SLCO5A1: variants seen among roughly 807,000 people sequenced by gnomAD.
SLCO5A1 encodes the protein organic anion transporter polypeptide-related protein 4.
In SLCO5A1, 39 loss-of-function variants were observed where a neutral mutation model predicts 65.1. The observed-to-expected ratio is 0.60, with a 90% confidence interval of 0.46 to 0.78. The LOEUF (loss-of-function observed/expected upper bound fraction) is 0.78, where lower values mean the gene tolerates loss of function less well. Ranked by LOEUF, SLCO5A1 falls within the 30% of genes least tolerant of loss-of-function variation. The pLI, the probability that SLCO5A1 is intolerant of heterozygous loss-of-function variation, is 0.00. For synonymous variants in SLCO5A1, 438 were observed against 415.7 expected, an observed-to-expected ratio of 1.05 and a Z score of -0.65; for missense variants, 1,029 against 1,069.4, an observed-to-expected ratio of 0.96 and a Z score of 0.53.
chr8:69,710,373 C>G (rs1815184061), intron 5 of SLCO5A1, among the ~76,000 whole-genome samples: 1 of 152,014 alleles, frequency 6.6e-6, no homozygotes, highest in East Asian at 1.9e-4. Flanking sequence ...GTGGCCTGCT[C>G]TATAGTGCAC....
chr8:69,806,312 A>G lies in SLCO5A1; in HGVS notation c.907+25455T>C, dbSNP rs1819987757. ...CCAAATGCAATATATAGTTTCCTTG[A>G]TTTATAGCACTTGCCTTGGTTTGTA... On this transcript the variant is annotated intron_variant, in intron 2 of 9. Coordinates refer to ENST00000260126, the MANE Select transcript of SLCO5A1 (RefSeq NM_030958.3). Among the ~76,000 whole-genome samples the G allele has an allele frequency of 3.3e-5, 5 of 152,174 alleles. No individual in the cohort carries two copies. In the South Asian group the frequency reaches 1.0e-3, roughly 31 times the overall value.
At chr8:69,743,988 G>A (rs1031663526) in intron 4 of SLCO5A1, among the ~76,000 whole-genome samples, 6 of 152,090 alleles carry the variant, frequency 3.9e-5, no homozygotes, top group Non-Finnish European at 7.4e-5. Flanking sequence ...AGTGACTGTG[G>A]AGCTCAATGG....
In SLCO5A1 at chr8:69,689,737, T is replaced by G. The variant is rs1477418177; in HGVS notation, c.1623-7394A>C. ...ACCAGTACCATGCTGTTTTGGTTAC[T>G]GTAGGCTTGTAGTATAGTTTGAAGT... On this transcript the variant is annotated intron_variant, in intron 6 of 9. Transcript: ENST00000260126. Among the ~76,000 whole-genome samples the G allele has an allele frequency of 4.0e-5, 6 of 149,756 alleles. No individual in the cohort carries two copies. In the East Asian group the frequency reaches 1.2e-3, roughly 29 times the overall value.
At chr8:69,704,908 C>G in intron 6 of SLCO5A1, 123 bp downstream of exon 6, 1 of 888,954 alleles carries the variant, frequency 1.1e-6, no homozygotes, top group South Asian at 1.5e-5. Flanking sequence ...GCAGAGCACA[C>G]AGAGCACACA....
At chr8:69,725,460 G>GATGTATGTATGTATGT (rs61338509) in intron 5 of SLCO5A1, among the ~76,000 whole-genome samples, 206 of 150,472 alleles carry the variant, frequency 1.4e-3, no homozygotes, top group African/African-American at 2.9e-3. Flanking sequence ...AAAGAATAAA[G>GATGTATGTATGTATGT]ATGTATGTAT....
At chr8:69,685,019 A>G (rs942048516) in intron 6 of SLCO5A1, among the ~76,000 whole-genome samples, 3 of 152,238 alleles carry the variant, frequency 2.0e-5, no homozygotes, top group African/African-American at 7.2e-5. Flanking sequence ...ACCCTGGGGT[A>G]TGTTTGCTTT....
chr8:69,775,881 G>T (rs1818532328), intron 2 of SLCO5A1, among the ~76,000 whole-genome samples: 4 of 152,064 alleles, frequency 2.6e-5, no homozygotes. Context: ...CAGGTGTGGT[G>T]GTGGATGCCT....
chr8:69,787,723 A>G (rs984770619), intron 2 of SLCO5A1, among the ~76,000 whole-genome samples: 3 of 152,180 alleles, frequency 2.0e-5, no homozygotes, highest in African/African-American at 7.2e-5. Context: ...TAACTATTGG[A>G]TCTCAAAGCT....
intron 2 of SLCO5A1, among the ~76,000 whole-genome samples, chr8:69,801,938 C>G (rs1222862251): frequency 6.6e-6 from 1 of 152,182 alleles, no homozygotes; most frequent in Admixed American, 6.5e-5. Flanking sequence ...TTCCTTCCAC[C>G]ACCTCATGTC....
intron 8 of SLCO5A1, among the ~76,000 whole-genome samples, chr8:69,679,099 T>A (rs1380521636): frequency 1.3e-5 from 2 of 151,828 alleles, no homozygotes; most frequent in African/African-American, 4.9e-5. Flanking sequence ...GGGCAGAGAC[T>A]TCAGGAATCA....
At chr8:69,766,407 G>A (rs1225631518) in intron 2 of SLCO5A1, among the ~76,000 whole-genome samples, 1 of 152,084 alleles carries the variant, frequency 6.6e-6, no homozygotes, top group Non-Finnish European at 1.5e-5. Context: ...ATCACTCCCT[G>A]TTCCCTAGGC....
intron 5 of SLCO5A1, among the ~76,000 whole-genome samples, chr8:69,706,782 A>T (rs895328971): frequency 2.0e-5 from 3 of 152,216 alleles, no homozygotes; most frequent in Non-Finnish European, 4.4e-5. Context: ...ACAGTTACAC[A>T]GTGTTAACTT....
intron 2 of SLCO5A1, among the ~76,000 whole-genome samples, chr8:69,826,080 C>T (rs556658680): frequency 4.3e-3 from 652 of 152,190 alleles, no homozygotes; most frequent in African/African-American, 0.014. Flanking sequence ...TAGCCATATG[C>T]AGAAAGCTGA....
intron 2 of SLCO5A1, among the ~76,000 whole-genome samples, chr8:69,789,432 A>C (rs1819175191): frequency 6.6e-6 from 1 of 152,242 alleles, no homozygotes; most frequent in Non-Finnish European, 1.5e-5. Flanking sequence ...TCATCAAGTA[A>C]GTGGTCAAAG....
intron 2 of SLCO5A1, among the ~76,000 whole-genome samples, chr8:69,800,809 T>C (rs1418870172): frequency 6.6e-6 from 1 of 152,196 alleles, no homozygotes; most frequent in Non-Finnish European, 1.5e-5. Flanking sequence ...TGCCACCCCT[T>C]TGACAGAGGA....
intron 5 of SLCO5A1, among the ~76,000 whole-genome samples, chr8:69,728,790 T>C (rs1452315471): frequency 6.6e-6 from 1 of 152,014 alleles, no homozygotes; most frequent in Non-Finnish European, 1.5e-5. Context: ...TAAAATATAA[T>C]ATCAGAAAAG....
intron 6 of SLCO5A1, among the ~76,000 whole-genome samples, chr8:69,697,843 T>G (rs1289120613): frequency 2.0e-5 from 3 of 152,226 alleles, no homozygotes; most frequent in Non-Finnish European, 2.9e-5. Flanking sequence ...TTTTTTATTT[T>G]TACTTGTTTG....
chr8:69,730,465 T>C (rs1198170412), intron 5 of SLCO5A1, among the ~76,000 whole-genome samples: 2 of 152,192 alleles, frequency 1.3e-5, no homozygotes, highest in South Asian at 2.1e-4. Flanking sequence ...GTTCAAGTTA[T>C]TGTTTTCTAG....
At chr8:69,675,790 T>C (rs1313509685) in intron 9 of SLCO5A1, among the ~76,000 whole-genome samples, 1 of 152,184 alleles carries the variant, frequency 6.6e-6, no homozygotes, top group East Asian at 1.9e-4. Context: ...TTTTGTCTTG[T>C]AGACAATGAC....
Sources: gnomAD v4.1 joint callset for allele counts (sites outside exome capture counted in the v4.1 genomes callset) on GRCh38, gnomAD v4.1.1 for gene constraint, MANE v1.5 for transcripts, NCBI Gene and HGNC (gene_info 2026-07-23, HGNC 2026-07-21) for gene names.